Variants in ABL1 observed in about 807,000 individuals in gnomAD.
ABL1 encodes the protein tyrosine-protein kinase ABL1.
Under a neutral mutation model 94.7 loss-of-function variants are expected in ABL1, and 11 were observed. The observed-to-expected ratio is 0.12, with a 90% CI of 0.07 to 0.19. The LOEUF is 0.19. Among genes scored for constraint, ABL1 ranks in the 10% least tolerant of loss-of-function variants. ABL1 has a pLI of 1.00. For missense variants in ABL1, 1,082 were observed against 1,489.4 expected (o/e 0.73, Z 4.50); for synonymous variants, 656 against 622.4 (o/e 1.05, Z -0.80).
intron 1 of ABL1, among the ~76,000 whole-genome samples, chr9:130,816,748 C>CTGG (rs1830291557): frequency 6.6e-6 from 1 of 152,192 alleles, no homozygotes; most frequent in Admixed American, 6.5e-5. Context: ...ATCGCCCAGG[C>CTGG]TGGACTGCAG....
chr9:130,830,991 G>A (rs1320223267), upstream of ABL1, among the ~76,000 whole-genome samples: 2 of 152,204 alleles, frequency 1.3e-5, no homozygotes. Flanking sequence ...GCAAAAACTG[G>A]TATGACAGAA....
chr9:130,865,764 A>AAG (rs1831145233), intron 4 of ABL1, among the ~76,000 whole-genome samples: 1 of 151,696 alleles, frequency 6.6e-6, no homozygotes, highest in African/African-American at 2.4e-5. Context: ...AAAAAAAAAA[A>AAG]AAAAGCTGAA....
intron 3 of ABL1, among the ~76,000 whole-genome samples, chr9:130,859,677 CTTTTTTTTTTT>C (rs869234280): frequency 1.4e-4 from 11 of 78,460 alleles, no homozygotes; most frequent in South Asian, 4.1e-4. Context: ...TCTTTCTTTC[CTTTTTTTTTTT>C]TTTTTTTTTT....
At position 130,845,601 on chromosome 9, in the gene ABL1, C is replaced by T. The variant is rs146994414; in HGVS notation, c.80-8463C>T. On this transcript the variant is annotated intron_variant, in intron 1 of 10. Transcript: ENST00000318560. ...TGAGCCACCACACCTGGCCAGAAAC[C>T]AGGTGTTTGATATCAGGTGACGGTT... 1.6e-3 allele frequency among the ~76,000 whole-genome samples: 245 copies of T among 152,200 alleles called. 1 individual carries two copies. The highest frequency in any genetic ancestry group is 5.6e-3 in the African/African-American group (233 of 41,528).
intron 1 of ABL1, among the ~76,000 whole-genome samples, chr9:130,762,170 C>G (rs1265461482): frequency 6.8e-6 from 1 of 147,452 alleles, no homozygotes; most frequent in Admixed American, 6.8e-5. Context: ...TTCACAAGTA[C>G]AGAAAGAGAT....
chr9:130,866,648 G>A (rs1308034745), intron 4 of ABL1, among the ~76,000 whole-genome samples: 2 of 152,170 alleles, frequency 1.3e-5, no homozygotes, highest in Non-Finnish European at 2.9e-5. Context: ...CAGGCAGAAG[G>A]AAGACAGAAG....
intron 4 of ABL1, among the ~76,000 whole-genome samples, chr9:130,867,241 C>G (rs578247811): frequency 6.6e-6 from 1 of 152,304 alleles, no homozygotes; most frequent in African/African-American, 2.4e-5. Flanking sequence ...TTGTTTTAAC[C>G]AGGTGACAGC....
intron 1 of ABL1, among the ~76,000 whole-genome samples, chr9:130,791,293 G>T (rs1829906253): frequency 6.6e-6 from 1 of 152,164 alleles, no homozygotes; most frequent in Non-Finnish European, 1.5e-5. Context: ...GAATTGTGTA[G>T]CCATGAAACA....
intron 1 of ABL1, among the ~76,000 whole-genome samples, chr9:130,772,808 A>G (rs1832268345): frequency 6.6e-6 from 1 of 152,214 alleles, no homozygotes; most frequent in African/African-American, 2.4e-5. Flanking sequence ...GAGGATTTTG[A>G]CTGAGATGGG....
At chr9:130,834,181 C>A, upstream of ABL1, 1 of 434,188 alleles carries the variant, frequency 2.3e-6, no homozygotes, top group South Asian at 1.6e-5. Context: ...AGATGCAATA[C>A]AGTTAATGAA....
chr9:130,750,206 T>C (rs1437599424), intron 1 of ABL1, among the ~76,000 whole-genome samples: 83 of 64,100 alleles, frequency 1.3e-3, no homozygotes, highest in African/African-American at 4.0e-3. Context: ...TATATATATA[T>C]ATATATATAT....
upstream of ABL1, chr9:130,834,949 C>T (rs1012955043): frequency 7.0e-5 from 32 of 455,122 alleles, no homozygotes; most frequent in Admixed American, 1.2e-4. Flanking sequence ...TGGAGACGCC[C>T]CAGGCCGCGG....
chr9:130,854,151 C>G lies in ABL1; in HGVS notation c.167C>G (p.Ala56Gly). 6.2e-7 allele frequency: 1 copy of G among 1,614,200 alleles called. No individual in the cohort carries two copies. The highest frequency in any genetic ancestry group is 1.3e-5 in the African/African-American group (1 of 75,056). The change falls in exon 2 of 11, where the codon GCT becomes GGT. Residue 56 changes from alanine to glycine, a missense_variant. Ala to Gly is a moderately conservative substitution (Grantham distance 60). Around this residue, in one of 7 missense-constraint regions of ABL1, gnomAD observed 65 missense variants for 80.8 expected, o/e 0.80. Coordinates refer to ENST00000318560, the MANE Select transcript of ABL1 (RefSeq NM_005157.6). ...TGGAACTCCAAGGAAAACCTTCTCGCTGGACCCAGTGAAAATGACCCCAAC... is the reference window on the plus strand; with the variant it reads ...TGGAACTCCAAGGAAAACCTTCTCGGTGGACCCAGTGAAAATGACCCCAAC... ...ARWNSKENLL[A>G]GPSENDPNLF...
At chr9:130,762,251 C>T (rs763396464) in intron 1 of ABL1, among the ~76,000 whole-genome samples, 12 of 152,034 alleles carry the variant, frequency 7.9e-5, no homozygotes, top group Non-Finnish European at 1.6e-4. Context: ...ATTTATTTCT[C>T]TGCCGTAGCC....
upstream of ABL1, among the ~76,000 whole-genome samples, chr9:130,833,483 C>T (rs777236239): frequency 3.3e-5 from 5 of 152,286 alleles, no homozygotes; most frequent in African/African-American, 9.6e-5. Flanking sequence ...AGAATGACAG[C>T]GCTTCCCAGA....
chr9:130,824,769 A>T (rs527383378), intron 1 of ABL1, among the ~76,000 whole-genome samples: 353 of 152,258 alleles, frequency 2.3e-3, no homozygotes, highest in African/African-American at 8.2e-3. Flanking sequence ...CCACAGTGCC[A>T]CTTAGTGAAC....
intron 1 of ABL1, among the ~76,000 whole-genome samples, chr9:130,806,945 C>T (rs1830133774): frequency 6.6e-6 from 1 of 152,004 alleles, no homozygotes; most frequent in Non-Finnish European, 1.5e-5. Context: ...GGTCAGGAGT[C>T]CGAGACTAGC....
Position 130,886,336 on chromosome 9 carries a change from A to G in ABL1, c.*653A>G, listed in dbSNP as rs978977935. 1 of 234,306 alleles carries G rather than the reference A, an allele frequency of 4.3e-6. No individual in the cohort carries two copies. The highest frequency in any genetic ancestry group is 8.4e-6 in the Non-Finnish European group (1 of 118,554). 14.5% of individuals were successfully genotyped at this position (234,306 alleles called of 1,614,324 possible). ...GGTGGAAAACAGGGTGCTAAAGCCA[A>G]CCAGCCTTTGGGTCCTGGGCAGGTG... On this transcript the variant is annotated 3_prime_UTR_variant, in exon 11 of 11. Transcript: ENST00000318560.
At position 130,853,691 on chromosome 9, in the gene ABL1, G is replaced by A. The variant is rs562446196; in HGVS notation, c.80-373G>A. Reference sequence around the variant, plus strand: ...TGGCCTCCCAAAGTGCTGGGATTACGGGCGTGAGCCACCATGCCCGGCTAA... The same window carrying A: ...TGGCCTCCCAAAGTGCTGGGATTACAGGCGTGAGCCACCATGCCCGGCTAA... On this transcript the variant is annotated intron_variant, in intron 1 of 10. Coordinates refer to ENST00000318560, the MANE Select transcript of ABL1 (RefSeq NM_005157.6). Among the ~76,000 whole-genome samples, 208 of 149,832 alleles carry A rather than the reference G, an allele frequency of 1.4e-3. 1 individual carries two copies. Among genetic ancestry groups the A allele is most frequent in the Non-Finnish European group, 2.3e-3 (153 of 67,264 alleles).
Sources: allele counts gnomAD v4.1 joint callset (sites outside exome capture counted in the v4.1 genomes callset), GRCh38; gene constraint gnomAD v4.1.1; regional missense constraint gnomAD v4.1.1; transcripts MANE v1.5; gene names NCBI Gene and HGNC (gene_info 2026-07-23, HGNC 2026-07-21).